The following MPP7 variants were observed in gnomAD, a reference collection of about 807,000 sequenced individuals.
MPP7 encodes the protein MAGUK p55 subfamily member 7.
Under a neutral mutation model 76.5 loss-of-function variants are expected in MPP7, and 60 were observed. The ratio of observed to expected loss-of-function variants is 0.78; its 90% confidence interval spans 0.64 to 0.97. MPP7 has a LOEUF of 0.97. MPP7 is among the 50% of genes least tolerant of loss of function. The pLI is 0.00. For missense variants in MPP7, 641 were observed against 694.0 expected, an observed-to-expected ratio of 0.92 and a Z score of 0.86; for synonymous variants, 237 against 244.5, an observed-to-expected ratio of 0.97 and a Z score of 0.29.
intron 11 of MPP7, among the ~76,000 whole-genome samples, chr10:28,108,029 C>T (rs1834377940): frequency 6.6e-6 from 1 of 152,152 alleles, no homozygotes; most frequent in South Asian, 2.1e-4. Context: ...CATATGTCTG[C>T]AAAGGGTTTT....
chr10:28,166,022 T>G (rs923634335), intron 3 of MPP7, among the ~76,000 whole-genome samples: 1 of 22,136 alleles, frequency 4.5e-5, no homozygotes, highest in African/African-American at 1.1e-4. Flanking sequence ...AAGACTCATC[T>G]CAAAAAAAAA....
chr10:28,179,986 T>A (rs1352215508), intron 3 of MPP7, among the ~76,000 whole-genome samples: 1 of 152,194 alleles, frequency 6.6e-6, no homozygotes, highest in Non-Finnish European at 1.5e-5. Flanking sequence ...CAATTCTAGA[T>A]GCTATGCTTC....
intron 3 of MPP7, among the ~76,000 whole-genome samples, chr10:28,171,718 G>A (rs1337513155): frequency 6.6e-6 from 1 of 152,092 alleles, no homozygotes; most frequent in African/African-American, 2.4e-5. Flanking sequence ...ACAAATCAAG[G>A]GTAACAAAAG....
At chr10:28,096,514 A>G (rs985145344) in intron 11 of MPP7, among the ~76,000 whole-genome samples, 20 of 152,174 alleles carry the variant, frequency 1.3e-4, no homozygotes, top group African/African-American at 4.8e-4. Flanking sequence ...ACATATACAT[A>G]GGTATCTTTC....
intron 11 of MPP7, chr10:28,118,249 T>C (rs1834720207): frequency 2.0e-6 from 2 of 985,282 alleles, no homozygotes; most frequent in Non-Finnish European, 1.2e-6. Flanking sequence ...TTGAAAGAGC[T>C]ATTAAAAAGC....
intron 1 of MPP7, among the ~76,000 whole-genome samples, chr10:28,333,132 T>C (rs1199777230): frequency 6.6e-6 from 1 of 152,144 alleles, no homozygotes; most frequent in Non-Finnish European, 1.5e-5. Context: ...GAATACACTA[T>C]TCTAATTCTT....
At chr10:28,261,540 T>C (rs572293160) in intron 1 of MPP7, among the ~76,000 whole-genome samples, 9 of 152,290 alleles carry the variant, frequency 5.9e-5, no homozygotes, top group African/African-American at 1.9e-4. Context: ...ACCTCCACTC[T>C]TCTGCTGACC....
At chr10:28,251,528 A>C (rs1021440073) in intron 1 of MPP7, among the ~76,000 whole-genome samples, 2 of 152,190 alleles carry the variant, frequency 1.3e-5, no homozygotes, top group African/African-American at 4.8e-5. Context: ...TGAACCAACA[A>C]TAGCTTGTAG....
chr10:28,226,744 A>G (rs1177432004), intron 2 of MPP7, among the ~76,000 whole-genome samples: 3 of 152,216 alleles, frequency 2.0e-5, no homozygotes, highest in African/African-American at 7.2e-5. Flanking sequence ...ATGAAAAATA[A>G]ACTACAAAGA....
In MPP7 at chr10:28,087,262, G is replaced by A. The variant is rs188009210; in HGVS notation, c.1123+2409C>T. Among the ~76,000 whole-genome samples, 28 of 152,276 alleles carry A rather than the reference G, an allele frequency of 1.8e-4. No individual in the cohort carries two copies. The East Asian group carries it at 5.4e-3, about 29-fold the overall frequency. Reference sequence around the variant, plus strand: ...CGCCTTCCACAAGTCAAAGCAGCATGAGGCCCTCGCCAGATGCCCAAACTT... The same window carrying A: ...CGCCTTCCACAAGTCAAAGCAGCATAAGGCCCTCGCCAGATGCCCAAACTT... On this transcript the variant is annotated intron_variant, in intron 12 of 16. Coordinates refer to ENST00000683449, the MANE Select transcript of MPP7 (RefSeq NM_001318170.2).
chr10:28,260,517 T>C (rs1333828502), intron 1 of MPP7, among the ~76,000 whole-genome samples: 1 of 152,080 alleles, frequency 6.6e-6, no homozygotes, highest in Non-Finnish European at 1.5e-5. Context: ...CTCATGCCTG[T>C]AATCCCAACA....
chr10:28,165,836 C>T (rs1836433466), intron 3 of MPP7, among the ~76,000 whole-genome samples: 1 of 151,960 alleles, frequency 6.6e-6, no homozygotes. Flanking sequence ...ACCAGCCTGG[C>T]CAACATGGTG....
intron 1 of MPP7, among the ~76,000 whole-genome samples, chr10:28,272,851 C>T (rs1048268118): frequency 1.3e-5 from 2 of 152,166 alleles, no homozygotes; most frequent in African/African-American, 4.8e-5. Context: ...CCTGTTACTA[C>T]TTCCTATGAA....
chr10:28,175,219 G>T (rs978984232), intron 3 of MPP7, among the ~76,000 whole-genome samples: 7 of 152,032 alleles, frequency 4.6e-5, no homozygotes, highest in Non-Finnish European at 1.0e-4. Context: ...GAACCCAGGG[G>T]GCAGAGGGTG....
chr10:28,207,768 T>C (rs1357982582), intron 2 of MPP7, among the ~76,000 whole-genome samples: 1 of 151,702 alleles, frequency 6.6e-6, no homozygotes, highest in African/African-American at 2.4e-5. Context: ...AGCTAGGATC[T>C]GAAAAAGGAA....
rs993725589 is a variant in MPP7, at chr10:28,059,727, T to C, written c.1221A>G (p.Arg407=). The change falls in exon 14 of 17, where the codon AGA becomes AGG. Residue 407 remains arginine (R), a synonymous_variant. Transcript: ENST00000683449. ...GVTVPHTTRA[R]RSQESDGVEY... is the part of the protein sequence containing the mutation. ...CAACACCATCACTCTCCTGGCTTCTTCTTGCTCTGGTGGTATCTATGATTT... is the reference window on the plus strand; with the variant it reads ...CAACACCATCACTCTCCTGGCTTCTCCTTGCTCTGGTGGTATCTATGATTT... 3.7e-6 allele frequency: 6 copies of C among 1,612,878 alleles called. No homozygotes were observed. In the African/African-American group the frequency reaches 8.0e-5, roughly 22 times the overall value.
chr10:28,114,062 A>C (rs1009524634), intron 11 of MPP7, among the ~76,000 whole-genome samples: 4 of 152,210 alleles, frequency 2.6e-5, no homozygotes, highest in African/African-American at 9.6e-5. Flanking sequence ...CAAGTACATT[A>C]GAGCAGGAGA....
At chr10:28,271,066 A>G (rs1417958629) in intron 1 of MPP7, among the ~76,000 whole-genome samples, 6 of 152,340 alleles carry the variant, frequency 3.9e-5, no homozygotes, top group South Asian at 4.1e-4. Context: ...TTTAAGAATT[A>G]TATCAATCAA....
intron 3 of MPP7, among the ~76,000 whole-genome samples, chr10:28,166,741 C>T (rs1289242454): frequency 2.0e-5 from 3 of 152,078 alleles, no homozygotes; most frequent in Non-Finnish European, 4.4e-5. Flanking sequence ...TCTGGTCTTA[C>T]AACTCTTGTG....
Sources: gnomAD v4.1 joint callset for allele counts (sites outside exome capture counted in the v4.1 genomes callset) on GRCh38, gnomAD v4.1.1 for gene constraint, MANE v1.5 for transcripts, NCBI Gene and HGNC (gene_info 2026-07-23, HGNC 2026-07-21) for gene names.